SHC3: variants seen among roughly 807,000 people sequenced by gnomAD.
The protein encoded by SHC3 is SHC adaptor protein 3, also known as SHC-transforming protein 3.
In SHC3, 15 loss-of-function variants were observed where a neutral mutation model predicts 60.4. That is an observed-to-expected ratio of 0.25 (90% CI 0.17 to 0.38). The LOEUF (loss-of-function observed/expected upper bound fraction) is 0.38. SHC3 is among the 10% of genes least tolerant of loss of function. SHC3 has a pLI of 1.00. For synonymous variants in SHC3, 294 were observed against 325.9 expected (o/e 0.90, Z 1.05); for missense variants, 677 against 786.1 (o/e 0.86, Z 1.66).
chr9:89,065,129 C>T (rs1284069149), intron 6 of SHC3, among the ~76,000 whole-genome samples: 1 of 152,170 alleles, frequency 6.6e-6, no homozygotes, highest in Non-Finnish European at 1.5e-5. Flanking sequence ...CAGACACTAA[C>T]CTCTAGGGCT....
intron 7 of SHC3, among the ~76,000 whole-genome samples, chr9:89,047,354 G>A (rs1824791174): frequency 6.6e-6 from 1 of 152,186 alleles, no homozygotes; most frequent in Admixed American, 6.5e-5. Context: ...TGGAAATTTA[G>A]TGATATGAGG....
chr9:89,129,617 A>G (rs1172282614), intron 1 of SHC3, among the ~76,000 whole-genome samples: 1 of 152,194 alleles, frequency 6.6e-6, no homozygotes, highest in Non-Finnish European at 1.5e-5. Flanking sequence ...ATTCTTAAAG[A>G]AAAGGATTTT....
At chr9:89,105,463 A>G (rs1156937793) in intron 2 of SHC3, among the ~76,000 whole-genome samples, 6 of 152,220 alleles carry the variant, frequency 3.9e-5, no homozygotes, top group Non-Finnish European at 8.8e-5. Context: ...GCTGAACTAT[A>G]TAAAATTGCT....
At chr9:89,039,544 C>T (rs1824639584) in intron 10 of SHC3, among the ~76,000 whole-genome samples, 1 of 152,138 alleles carries the variant, frequency 6.6e-6, no homozygotes, top group Non-Finnish European at 1.5e-5. Flanking sequence ...ACATCATCAA[C>T]ATCGTCAGCA....
At chr9:89,046,157 C>G (rs950816246) in intron 8 of SHC3, among the ~76,000 whole-genome samples, 2 of 141,314 alleles carry the variant, frequency 1.4e-5, no homozygotes, top group African/African-American at 5.3e-5. Context: ...TACAGAGTAT[C>G]TATGTGTCAG....
intron 2 of SHC3, among the ~76,000 whole-genome samples, chr9:89,107,889 A>T (rs1397678744): frequency 6.6e-6 from 1 of 152,234 alleles, no homozygotes; most frequent in Admixed American, 6.5e-5. Context: ...TTGCAGTGAA[A>T]AAGGAATTCT....
chr9:89,126,183 A>C (rs560725300), intron 1 of SHC3, among the ~76,000 whole-genome samples: 1 of 152,290 alleles, frequency 6.6e-6, no homozygotes, highest in South Asian at 2.1e-4. Flanking sequence ...ACTTGGGTAA[A>C]GGATGAGATA....
intron 11 of SHC3, among the ~76,000 whole-genome samples, chr9:89,018,699 C>CTTT (rs34145222): frequency 1.4e-3 from 188 of 137,482 alleles, no homozygotes; most frequent in Middle Eastern, 3.8e-3. Context: ...TTCTTTCTTT[C>CTTT]TTTTTTTTTT....
chr9:89,157,018 CT>C (rs909820330), intron 1 of SHC3, among the ~76,000 whole-genome samples: 1 of 152,132 alleles, frequency 6.6e-6, no homozygotes, highest in Admixed American at 6.5e-5. Flanking sequence ...TCCATAAACC[CT>C]TACGTTTAAG....
chr9:89,137,222 A>T (rs532050084), intron 1 of SHC3, among the ~76,000 whole-genome samples: 1 of 152,266 alleles, frequency 6.6e-6, no homozygotes, highest in Admixed American at 6.5e-5. Context: ...CATGTCATGG[A>T]GATACCATTG....
intron 1 of SHC3, among the ~76,000 whole-genome samples, chr9:89,141,875 G>T (rs759661090): frequency 2.0e-4 from 30 of 152,256 alleles, no homozygotes; most frequent in Non-Finnish European, 3.2e-4. Flanking sequence ...GCAGCAGGGT[G>T]GGGGAGGCGA....
intron 11 of SHC3, among the ~76,000 whole-genome samples, chr9:89,022,389 G>A (rs10780221): frequency 0.49 from 73,866 of 151,816 alleles, 18,465 homozygotes; most frequent in African/African-American, 0.57. Context: ...GTGGCTTTGC[G>A]GCGGGATAGG....
At chr9:89,035,568 A>G (rs542655199) in intron 11 of SHC3, among the ~76,000 whole-genome samples, 1 of 152,254 alleles carries the variant, frequency 6.6e-6, no homozygotes, top group Admixed American at 6.5e-5. Context: ...GGAACTTAGT[A>G]TGTTTCAGAA....
intron 1 of SHC3, among the ~76,000 whole-genome samples, chr9:89,136,749 C>T (rs747040779): frequency 6.6e-6 from 1 of 152,106 alleles, no homozygotes; most frequent in South Asian, 2.1e-4. Flanking sequence ...TATGGATTTG[C>T]CTCGAATTCT....
chr9:89,068,075 T>C (rs1299144949), intron 5 of SHC3, among the ~76,000 whole-genome samples: 1 of 152,212 alleles, frequency 6.6e-6, no homozygotes, highest in Non-Finnish European at 1.5e-5. Context: ...ATATTGATCC[T>C]TTTCTGGCAG....
At chr9:89,090,305 G>C (rs1825601965) in intron 2 of SHC3, among the ~76,000 whole-genome samples, 1 of 152,224 alleles carries the variant, frequency 6.6e-6, no homozygotes, top group Admixed American at 6.5e-5. Context: ...ATGCAGTGGA[G>C]AGAAGTGACA....
At chr9:89,017,161 T>G (rs1826111189) in intron 11 of SHC3, among the ~76,000 whole-genome samples, 1 of 152,148 alleles carries the variant, frequency 6.6e-6, no homozygotes. Flanking sequence ...AAATTTCATA[T>G]GGAACCAAAA....
intron 5 of SHC3, among the ~76,000 whole-genome samples, chr9:89,070,554 T>G (rs2117992644): frequency 6.6e-6 from 1 of 152,340 alleles, no homozygotes; most frequent in African/African-American, 2.4e-5. Flanking sequence ...ACTCTGAAGC[T>G]GGATGCTGAC....
chr9:89,046,895 G>GC lies in SHC3; in HGVS notation c.1061dup (p.Phe355LeufsTer3). 6.2e-7 allele frequency: 1 copy of GC among 1,610,458 alleles called. No individual in the cohort carries two copies. The highest frequency in any genetic ancestry group is 8.5e-7 in the Non-Finnish European group (1 of 1,178,510). On this transcript the variant is annotated frameshift_variant, in exon 8 of 12. Coordinates refer to ENST00000375835, the MANE Select transcript of SHC3 (RefSeq NM_016848.6). LOFTEE classifies it high-confidence loss of function. ...TGGGTTTCAGTCTAGTATCAAGAAA[G>GC]CCCCCTGGAGGAGGCATCTTGCTTG...
Sources: allele counts gnomAD v4.1 joint callset (sites outside exome capture counted in the v4.1 genomes callset), GRCh38; gene constraint gnomAD v4.1.1; transcripts MANE v1.5; gene names NCBI Gene and HGNC (gene_info 2026-07-23, HGNC 2026-07-21).